The following CALD1 variants were observed in gnomAD, a reference collection of about 807,000 sequenced individuals.
The protein encoded by CALD1 is caldesmon.
In CALD1, 33 loss-of-function variants were observed where a neutral mutation model predicts 99.9. The observed-to-expected ratio is 0.33, with a 90% CI of 0.25 to 0.44. The LOEUF (loss-of-function observed/expected upper bound fraction) is 0.44, where lower values mean the gene tolerates loss of function less well. Among genes scored for constraint, CALD1 ranks in the 20% least tolerant of loss-of-function variants. The pLI is 1.00. For synonymous variants in CALD1, 310 were observed against 325.0 expected, an observed-to-expected ratio of 0.95 and a Z score of 0.50; for missense variants, 861 against 962.1, an observed-to-expected ratio of 0.89 and a Z score of 1.39.
chr7:134,767,191 GTC>G (rs1040503722), intron 1 of CALD1, among the ~76,000 whole-genome samples: 26 of 124,402 alleles, frequency 2.1e-4, no homozygotes, highest in Non-Finnish European at 3.6e-4. Flanking sequence ...CTCTCTCTCT[GTC>G]TCTGTGTGTG....
At chr7:134,936,133 C>G (rs974599653) in intron 6 of CALD1, among the ~76,000 whole-genome samples, 3 of 152,202 alleles carry the variant, frequency 2.0e-5, no homozygotes, top group Middle Eastern at 6.8e-3. Flanking sequence ...TTTCCTTGAG[C>G]CATTCTACTT....
chr7:134,887,483 A>G (rs1801910292), intron 3 of CALD1, among the ~76,000 whole-genome samples: 1 of 152,204 alleles, frequency 6.6e-6, no homozygotes, highest in African/African-American at 2.4e-5. Context: ...GCCTTTTCAA[A>G]CGTCCCCTTT....
At chr7:134,934,141 C>G in intron 5 of CALD1, 64 bp downstream of exon 5, 1 of 1,551,578 alleles carries the variant, frequency 6.4e-7, no homozygotes, top group South Asian at 1.3e-5. Context: ...TAATGCACAT[C>G]TGATTTGGGA....
At chr7:134,890,431 C>G (rs1253128811) in intron 3 of CALD1, among the ~76,000 whole-genome samples, 3 of 152,318 alleles carry the variant, frequency 2.0e-5, no homozygotes, top group Admixed American at 6.5e-5. Flanking sequence ...AGATCTCTTT[C>G]ATTCCGTGAA....
chr7:134,952,494 A>C (rs1379851040), intron 9 of CALD1, among the ~76,000 whole-genome samples: 1 of 146,968 alleles, frequency 6.8e-6, no homozygotes, highest in Non-Finnish European at 1.5e-5. Flanking sequence ...TTTTTGAGAT[A>C]GAGTCTCGCT....
chr7:134,823,833 C>G (rs1489443181), intron 1 of CALD1, among the ~76,000 whole-genome samples: 1 of 152,094 alleles, frequency 6.6e-6, no homozygotes. Flanking sequence ...ACTTTTATTT[C>G]AACAAGTGAA....
intron 1 of CALD1, among the ~76,000 whole-genome samples, chr7:134,755,015 T>C (rs1796715549): frequency 1.3e-5 from 2 of 151,968 alleles, no homozygotes; most frequent in Non-Finnish European, 2.9e-5. Flanking sequence ...ATTATTATTA[T>C]TTTTAGATGG....
intron 3 of CALD1, among the ~76,000 whole-genome samples, chr7:134,887,876 ATGTG>A (rs1801953712): frequency 2.0e-5 from 3 of 151,060 alleles, no homozygotes; most frequent in South Asian, 4.2e-4. Flanking sequence ...GTGTGTCTGT[ATGTG>A]TGTGTATGTG....
At chr7:134,935,560 C>T in intron 5 of CALD1, 128 bp from the exon 6 acceptor site, 2 of 1,438,772 alleles carry the variant, frequency 1.4e-6, no homozygotes, top group Non-Finnish European at 1.9e-6. Flanking sequence ...GTGCTGTGAG[C>T]GCTGAGACGG....
In CALD1 at chr7:134,933,999, A is replaced by G. The variant is rs756787426; in HGVS notation, c.1230A>G (p.Glu410=). 5.0e-6 allele frequency: 8 copies of G among 1,614,146 alleles called. No individual in the cohort carries two copies. Among genetic ancestry groups the G allele is most frequent in the Middle Eastern group, 1.6e-4 (1 of 6,062 alleles). ...CAAAGATAAAAGGGGAAAAGGTAGA[A>G]CAGAAAATAGAAGGGAAATGGGTAA... ...QETKIKGEKV[E]QKIEGKWVNE... The change falls in exon 5 of 15, where the codon GAA becomes GAG. Residue 410 remains glutamate, a synonymous_variant. Coordinates refer to ENST00000361675, the MANE Select transcript of CALD1 (RefSeq NM_033138.4).
intron 1 of CALD1, among the ~76,000 whole-genome samples, chr7:134,748,497 G>A (rs572151533): frequency 3.0e-4 from 46 of 152,316 alleles, no homozygotes; most frequent in African/African-American, 1.1e-3. Context: ...ATCACCTGAG[G>A]TCAGGAGTTC....
upstream of CALD1, among the ~76,000 whole-genome samples, chr7:134,774,881 T>A (rs559493535): frequency 1.4e-4 from 21 of 152,350 alleles, no homozygotes; most frequent in South Asian, 3.1e-3. Flanking sequence ...TTATGATTTT[T>A]TTATTGCTTT....
chr7:134,958,656 T>C (rs1807971429), intron 11 of CALD1, among the ~76,000 whole-genome samples: 1 of 151,752 alleles, frequency 6.6e-6, no homozygotes, highest in Admixed American at 6.6e-5. Flanking sequence ...TCCACCCGCC[T>C]TGGCCTCCCA....
At chr7:134,810,450 AG>A (rs1263915449) in intron 1 of CALD1, among the ~76,000 whole-genome samples, 1 of 152,164 alleles carries the variant, frequency 6.6e-6, no homozygotes, top group African/African-American at 2.4e-5. Flanking sequence ...CACTATTAGT[AG>A]GGTACATGCA....
At chr7:134,753,654 A>G (rs1796703662) in intron 1 of CALD1, among the ~76,000 whole-genome samples, 1 of 152,210 alleles carries the variant, frequency 6.6e-6, no homozygotes, top group Non-Finnish European at 1.5e-5. Flanking sequence ...TTTGCAAGGC[A>G]GAGATGCAGA....
chr7:134,964,442 G>A (rs529528562), intron 13 of CALD1, among the ~76,000 whole-genome samples: 2 of 152,276 alleles, frequency 1.3e-5, no homozygotes, highest in Admixed American at 6.5e-5. Context: ...AGTTACCCAA[G>A]CTGAGGCGAG....
At chr7:134,732,750 T>C in the CALD1 span, among the ~76,000 whole-genome samples, 1 of 152,270 alleles carries the variant, frequency 6.6e-6, no homozygotes, top group Non-Finnish European at 1.5e-5. Context: ...ACTCCAGTTC[T>C]TTACTTAAGC....
chr7:134,855,800 A>C (rs1467211045), intron 2 of CALD1, among the ~76,000 whole-genome samples: 1 of 152,228 alleles, frequency 6.6e-6, no homozygotes, highest in African/African-American at 2.4e-5. Context: ...AATGTACTCC[A>C]AAGAGATTTT....
At chr7:134,956,350 C>A (rs892991842) in intron 9 of CALD1, among the ~76,000 whole-genome samples, 11 of 152,072 alleles carry the variant, frequency 7.2e-5, no homozygotes, top group African/African-American at 1.9e-4. Context: ...CCTCAAAATT[C>A]ATATGTTGAA....
Sources: gnomAD v4.1 joint callset for allele counts (sites outside exome capture counted in the v4.1 genomes callset) on GRCh38, gnomAD v4.1.1 for gene constraint, MANE v1.5 for transcripts, NCBI Gene and HGNC (gene_info 2026-07-23, HGNC 2026-07-21) for gene names.